Variants in TENM2 observed in about 807,000 individuals in gnomAD.
TENM2 encodes the protein teneurin-2.
Under a neutral mutation model 245.2 loss-of-function variants are expected in TENM2, and 52 were observed. That is an observed-to-expected ratio of 0.21 (90% CI 0.17 to 0.27). TENM2 has a LOEUF of 0.27. TENM2 is among the 10% of genes least tolerant of loss of function. The pLI, the probability that TENM2 is intolerant of heterozygous loss-of-function variation, is 1.00. For synonymous variants in TENM2, 1,363 were observed against 1,438.9 expected (o/e 0.95, Z 1.19); for missense variants, 3,046 against 3,666.8 (o/e 0.83, Z 4.37).
chr5:167,129,009 C>T, the TENM2 span, among the ~76,000 whole-genome samples: 7 of 152,320 alleles, frequency 4.6e-5, no homozygotes, highest in African/African-American at 1.7e-4. Flanking sequence ...CTGCTGTCCA[C>T]GACCCCTGTG....
the TENM2 span, among the ~76,000 whole-genome samples, chr5:167,015,640 AGTTT>A: frequency 4.6e-5 from 7 of 152,314 alleles, no homozygotes; most frequent in South Asian, 2.1e-4. Context: ...TACAAATTAT[AGTTT>A]GTTTGTTTGT....
chr5:167,893,855 C>T (rs971878930), intron 3 of TENM2, among the ~76,000 whole-genome samples: 14 of 152,050 alleles, frequency 9.2e-5, no homozygotes, highest in African/African-American at 3.1e-4. Context: ...CTAGTTCCTG[C>T]GCTTCATACA....
intron 2 of TENM2, among the ~76,000 whole-genome samples, chr5:167,411,573 A>AGAGTGTGTGTGTGTGT (rs752919344): frequency 6.9e-5 from 10 of 145,148 alleles, no homozygotes; most frequent in African/African-American, 2.3e-4. Flanking sequence ...TGTAGGTGAG[A>AGAGTGTGTGTGTGTGT]GTGTGTGTGT....
intron 2 of TENM2, among the ~76,000 whole-genome samples, chr5:167,634,641 G>C (rs1366030268): frequency 6.6e-6 from 1 of 151,698 alleles, no homozygotes; most frequent in Non-Finnish European, 1.5e-5. Flanking sequence ...GAAAATTGAT[G>C]GCTCTGTAAA....
chr5:167,159,710 C>T, the TENM2 span, among the ~76,000 whole-genome samples: 1 of 152,126 alleles, frequency 6.6e-6, no homozygotes, highest in Admixed American at 6.5e-5. Flanking sequence ...TGTAATTTTT[C>T]ATTTAGGTTC....
intron 2 of TENM2, among the ~76,000 whole-genome samples, chr5:167,766,933 C>T (rs994793069): frequency 3.9e-5 from 6 of 151,918 alleles, no homozygotes; most frequent in Admixed American, 6.6e-5. Flanking sequence ...AAACTAGAAC[C>T]CTCAAGCATA....
chr5:167,675,448 C>T (rs1354559661), intron 2 of TENM2, among the ~76,000 whole-genome samples: 3 of 152,224 alleles, frequency 2.0e-5, no homozygotes, highest in African/African-American at 7.2e-5. Flanking sequence ...GGCTGATGCA[C>T]ACCTTGAAAG....
At chr5:167,297,918 G>A (rs1453750602) in intron 1 of TENM2, among the ~76,000 whole-genome samples, 1 of 152,116 alleles carries the variant, frequency 6.6e-6, no homozygotes, top group Non-Finnish European at 1.5e-5. Context: ...GTTAAGGCAG[G>A]AACAGGCCAT....
the TENM2 span, among the ~76,000 whole-genome samples, chr5:167,075,872 C>T: frequency 1.3e-5 from 2 of 152,274 alleles, no homozygotes; most frequent in East Asian, 3.9e-4. Flanking sequence ...AAGGCTTCTG[C>T]CCTCTGCTGC....
intron 1 of TENM2, among the ~76,000 whole-genome samples, chr5:167,342,817 G>A (rs1175261107): frequency 6.6e-6 from 1 of 150,962 alleles, no homozygotes; most frequent in East Asian, 2.0e-4. Flanking sequence ...GTGAGCCACC[G>A]CGCCCGGCCA....
At chr5:168,006,349 C>T (rs1394888357) in intron 5 of TENM2, among the ~76,000 whole-genome samples, 2 of 152,152 alleles carry the variant, frequency 1.3e-5, no homozygotes, top group African/African-American at 2.4e-5. Flanking sequence ...GGTTCTAGGG[C>T]GCGAGGGTTG....
At chr5:168,228,110 A>G (rs999774958) in exon 25 of TENM2, 3 of 1,613,404 alleles carry the variant, frequency 1.9e-6, no homozygotes, top group African/African-American at 1.3e-5. Flanking sequence ...CAAAGTCACC[A>G]TCTTTGGCAG....
At chr5:167,274,774 A>T in the TENM2 span, among the ~76,000 whole-genome samples, 2 of 151,902 alleles carry the variant, frequency 1.3e-5, no homozygotes, top group African/African-American at 4.8e-5. Flanking sequence ...ATGTTTTCAT[A>T]TGTTTATCTG....
At chr5:167,651,067 A>C (rs1002672953) in intron 2 of TENM2, among the ~76,000 whole-genome samples, 1 of 152,074 alleles carries the variant, frequency 6.6e-6, no homozygotes, top group African/African-American at 2.4e-5. Context: ...CTCATTTTAT[A>C]GGAAATCATG....
intron 7 of TENM2, among the ~76,000 whole-genome samples, chr5:168,088,981 C>T (rs979895299): frequency 6.6e-6 from 1 of 152,184 alleles, no homozygotes; most frequent in Non-Finnish European, 1.5e-5. Flanking sequence ...CTTAATCCTA[C>T]AGTGGTGGTT....
chr5:167,884,590 T>G (rs1774136620), intron 3 of TENM2, among the ~76,000 whole-genome samples: 1 of 152,220 alleles, frequency 6.6e-6, no homozygotes, highest in African/African-American at 2.4e-5. Context: ...CAGAATTTTC[T>G]TCCTTTTAAA....
intron 3 of TENM2, among the ~76,000 whole-genome samples, chr5:167,890,100 G>A (rs1774624498): frequency 6.6e-6 from 1 of 152,044 alleles, no homozygotes; most frequent in African/African-American, 2.4e-5. Context: ...GTGTCCCCTG[G>A]GCAGACCCTT....
chr5:167,789,692 T>C (rs1055449472), intron 2 of TENM2, among the ~76,000 whole-genome samples: 2 of 152,224 alleles, frequency 1.3e-5, no homozygotes, highest in South Asian at 2.1e-4. Context: ...TGTGCTTTCA[T>C]TTGTTTATTT....
At chr5:167,216,839 A>G in the TENM2 span, among the ~76,000 whole-genome samples, 1 of 151,966 alleles carries the variant, frequency 6.6e-6, no homozygotes, top group Non-Finnish European at 1.5e-5. Flanking sequence ...AGGTGGGAGA[A>G]TTGCTTCAGC....
Sources: gnomAD v4.1 joint callset for allele counts (sites outside exome capture counted in the v4.1 genomes callset) on GRCh38, gnomAD v4.1.1 for gene constraint, MANE v1.5 for transcripts, NCBI Gene and HGNC (gene_info 2026-07-23, HGNC 2026-07-21) for gene names.